Variants in GLI3 observed in about 807,000 individuals in gnomAD.
The protein encoded by GLI3 is GLI family zinc finger 3.
Under a neutral mutation model 100.8 loss-of-function variants are expected in GLI3, and 20 were observed. That is an observed-to-expected ratio of 0.20 (90% CI 0.14 to 0.29). The LOEUF is 0.29. Among genes scored for constraint, GLI3 ranks in the 10% least tolerant of loss-of-function variants. The probability of loss-of-function intolerance (pLI) is 1.00; values close to 1 mark genes in which losing one functional copy is unlikely to be tolerated. For synonymous variants in GLI3, 938 were observed against 860.5 expected (o/e 1.09, Z -1.58); for missense variants, 2,040 against 2,128.5 (o/e 0.96, Z 0.82).
chr7:41,968,740 GAAAGAAAGAAAGAAAGAAAGAAGGAAA>G (rs1562661932), intron 13 of GLI3, among the ~76,000 whole-genome samples: 183 of 124,674 alleles, frequency 1.5e-3, no homozygotes, highest in African/African-American at 6.6e-3. Flanking sequence ...AAGAAAGAAA[GAAAGAAAGAAAGAAAGAAAGAAGGAAA>G]GAAAGAAAGA....
At chr7:42,219,294 CAA>C (rs1057111966) in intron 2 of GLI3, among the ~76,000 whole-genome samples, 50 of 152,156 alleles carry the variant, frequency 3.3e-4, no homozygotes, top group African/African-American at 1.1e-3. Flanking sequence ...TCAAATATAA[CAA>C]TAAAATTTAA....
intron 2 of GLI3, among the ~76,000 whole-genome samples, chr7:42,182,839 G>T (rs544242526): frequency 2.6e-5 from 4 of 151,478 alleles, no homozygotes; most frequent in African/African-American, 7.3e-5. Flanking sequence ...TTGAGAGGCC[G>T]AAGTGGGCAA....
intron 10 of GLI3, among the ~76,000 whole-genome samples, chr7:42,000,106 A>C (rs1022994329): frequency 6.6e-6 from 1 of 152,212 alleles, no homozygotes; most frequent in Non-Finnish European, 1.5e-5. Flanking sequence ...CGTATTACAC[A>C]CAGGAAGCAC....
intron 2 of GLI3, among the ~76,000 whole-genome samples, chr7:42,202,626 C>T (rs938839657): frequency 6.6e-6 from 1 of 152,182 alleles, no homozygotes; most frequent in Admixed American, 6.5e-5. Flanking sequence ...AAATAAATGG[C>T]TAAGTGCCCT....
At chr7:42,252,712 A>G (rs932101204) in intron 1 of GLI3, among the ~76,000 whole-genome samples, 48 of 152,204 alleles carry the variant, frequency 3.2e-4, no homozygotes, top group Non-Finnish European at 8.8e-5. Context: ...TGTATATGAA[A>G]GTTCTAAATG....
At chr7:42,148,122 C>T in intron 3 of GLI3, 104 bp downstream of exon 3, 1 of 1,234,228 alleles carries the variant, frequency 8.1e-7, no homozygotes, top group Non-Finnish European at 1.1e-6. Flanking sequence ...CAAGCCAAAA[C>T]TTCATAAAGC....
chr7:42,067,502 T>C (rs1401727699), intron 4 of GLI3, among the ~76,000 whole-genome samples: 6 of 152,238 alleles, frequency 3.9e-5, no homozygotes, highest in Admixed American at 3.3e-4. Context: ...TATTCACTTA[T>C]GGTGAACTTG....
At chr7:42,239,528 T>G (rs955867290), upstream of GLI3, among the ~76,000 whole-genome samples, 1 of 152,214 alleles carries the variant, frequency 6.6e-6, no homozygotes, top group African/African-American at 2.4e-5. Flanking sequence ...TGAATACAAA[T>G]AGTACATCCT....
At chr7:42,079,025 G>A (rs560644791) in intron 3 of GLI3, among the ~76,000 whole-genome samples, 4 of 152,156 alleles carry the variant, frequency 2.6e-5, no homozygotes, top group African/African-American at 7.2e-5. Flanking sequence ...CACCGCGCCC[G>A]GCCTCATTTA....
chr7:42,202,615 C>G (rs1466128324), intron 2 of GLI3, among the ~76,000 whole-genome samples: 1 of 152,182 alleles, frequency 6.6e-6, no homozygotes, highest in African/African-American at 2.4e-5. Context: ...CCATCTTGCA[C>G]AAATAAATGG....
At chr7:42,160,033 G>A (rs1463133286) in intron 2 of GLI3, among the ~76,000 whole-genome samples, 1 of 152,180 alleles carries the variant, frequency 6.6e-6, no homozygotes, top group African/African-American at 2.4e-5. Flanking sequence ...ATCGGTATGT[G>A]ACCCAGGGTA....
intron 7 of GLI3, among the ~76,000 whole-genome samples, chr7:42,029,103 C>T (rs1169145939): frequency 2.0e-5 from 3 of 152,234 alleles, no homozygotes; most frequent in Admixed American, 1.3e-4. Context: ...CATAAGAAGC[C>T]AGCAACAGAA....
chr7:42,054,514 G>A (rs907187359), intron 4 of GLI3, among the ~76,000 whole-genome samples: 5 of 152,234 alleles, frequency 3.3e-5, no homozygotes, highest in Middle Eastern at 3.4e-3. Context: ...AAATATGTTG[G>A]TTTTTTACAT....
At chr7:42,140,293 T>C (rs1000966990) in intron 3 of GLI3, among the ~76,000 whole-genome samples, 2 of 152,252 alleles carry the variant, frequency 1.3e-5, no homozygotes, top group African/African-American at 4.8e-5. Flanking sequence ...CTTGCTCATT[T>C]TGTTCAACAC....
intron 2 of GLI3, among the ~76,000 whole-genome samples, chr7:42,193,431 G>A (rs1456043747): frequency 6.6e-6 from 1 of 151,750 alleles, no homozygotes; most frequent in Non-Finnish European, 1.5e-5. Flanking sequence ...AGCTCGGAAG[G>A]ACACACCTTT....
chr7:42,248,821 C>G (rs542988436), intron 1 of GLI3, among the ~76,000 whole-genome samples: 2 of 151,638 alleles, frequency 1.3e-5, no homozygotes, highest in South Asian at 4.2e-4. Context: ...TAGGGTCTCC[C>G]TCTGTCACCC....
At chr7:42,174,482 T>C (rs1787439276) in intron 2 of GLI3, among the ~76,000 whole-genome samples, 1 of 152,186 alleles carries the variant, frequency 6.6e-6, no homozygotes, top group Non-Finnish European at 1.5e-5. Flanking sequence ...CCCAAATGCC[T>C]GTTTATTCAT....
In GLI3 at chr7:41,977,938, GA is replaced by G; in HGVS notation, c.1648-217del. Reference sequence around the variant, plus strand: ...AGTTTTCAGTGCCAGTAAAAGTCCTGAAGTTTTTTTTTTTAATAGACCGCTC... The same window carrying G: ...AGTTTTCAGTGCCAGTAAAAGTCCTGAGTTTTTTTTTTTAATAGACCGCTC... On this transcript the variant is annotated intron_variant, in intron 11 of 14. Coordinates refer to ENST00000395925, the MANE Select transcript of GLI3 (RefSeq NM_000168.6). The G allele has an allele frequency of 7.0e-6, 4 of 567,644 alleles. No individual in the cohort carries two copies. In the East Asian group the frequency reaches 9.5e-5, roughly 14 times the overall value. 35.2% of individuals were successfully genotyped at this position (567,644 alleles called of 1,614,324 possible). A position where few individuals can be genotyped will look rare whatever the true frequency, so the allele number is the denominator to read the frequency against.
intron 4 of GLI3, among the ~76,000 whole-genome samples, chr7:42,065,225 ATAT>A (rs891871575): frequency 2.0e-4 from 30 of 148,634 alleles, no homozygotes; most frequent in Admixed American, 7.4e-4. Context: ...TATTAATTAA[ATAT>A]TATTATTTAA....
Sources: allele counts gnomAD v4.1 joint callset (sites outside exome capture counted in the v4.1 genomes callset), GRCh38; gene constraint gnomAD v4.1.1; transcripts MANE v1.5; gene names NCBI Gene and HGNC (gene_info 2026-07-23, HGNC 2026-07-21).